ANKFN1: variants seen among roughly 807,000 people sequenced by gnomAD.
ANKFN1 encodes ankyrin repeat and fibronectin type-III domain-containing protein 1.
A neutral mutation model predicts 108.7 loss-of-function variants in ANKFN1; 74 were observed. The ratio of observed to expected loss-of-function variants is 0.68; its 90% CI spans 0.56 to 0.83. The LOEUF (loss-of-function observed/expected upper bound fraction) is 0.83, where lower values mean the gene tolerates loss of function less well. Among genes scored for constraint, ANKFN1 ranks in the 40% least tolerant of loss-of-function variants. The probability of loss-of-function intolerance (pLI) is 0.00; values close to 1 mark genes in which losing one functional copy is unlikely to be tolerated. For missense variants in ANKFN1, 1,505 were observed against 1,382.3 expected (o/e 1.09, Z -1.41); for synonymous variants, 547 against 516.2 (o/e 1.06, Z -0.81).
intron 11 of ANKFN1, among the ~76,000 whole-genome samples, chr17:56,455,471 T>C (rs2049654536): frequency 6.6e-6 from 1 of 152,240 alleles, no homozygotes; most frequent in African/African-American, 2.4e-5. Context: ...GCTGTTCCTA[T>C]ATAATCATAG....
Position 56,487,138 on chromosome 17 carries a change from A to G in ANKFN1, c.2260+4614A>G, listed in dbSNP as rs1024913540. 3.3e-4 allele frequency among the ~76,000 whole-genome samples: 50 copies of G among 152,282 alleles called. 1 individual carries two copies. Among genetic ancestry groups the G allele is most frequent in the Admixed American group, 2.5e-3 (38 of 15,290 alleles). ...ATAAATTGTCCTATTGGAGGATGTT[A>G]TGAGATCAGGTTGAGGAAGACTGAG... On this transcript the variant is annotated intron_variant, in intron 18 of 20. Coordinates refer to ENST00000682825, the MANE Select transcript of ANKFN1 (RefSeq NM_001370326.1).
chr17:56,216,451 A>T (rs1211773155), intron 2 of ANKFN1, among the ~76,000 whole-genome samples: 2 of 152,216 alleles, frequency 1.3e-5, no homozygotes, highest in East Asian at 3.8e-4. Flanking sequence ...GATCATAATG[A>T]TGTCATGTAG....
At chr17:56,489,923 C>T (rs995138412) in intron 18 of ANKFN1, among the ~76,000 whole-genome samples, 1 of 151,978 alleles carries the variant, frequency 6.6e-6, no homozygotes, top group African/African-American at 2.4e-5. Context: ...GTGGAGCTGC[C>T]AGGAAATATT....
At position 56,081,622 on chromosome 17, in the gene ANKFN1, G is replaced by A. The variant is rs554639502; in HGVS notation, c.288+35297G>A. On this transcript the variant is annotated intron_variant, in intron 4 of 12. Transcript: ENST00000635860. ...CCTGCCTCAGCCTCCCAAAGTACTG[G>A]GATTACAGGCATAAGCCACTGCACC... 3.9e-5 allele frequency among the ~76,000 whole-genome samples: 6 copies of A among 152,232 alleles called. No homozygotes were observed. In the South Asian group the frequency reaches 8.3e-4, roughly 21 times the overall value.
intron 7 of ANKFN1, among the ~76,000 whole-genome samples, chr17:56,373,817 A>T (rs9907103): frequency 6.6e-6 from 1 of 152,110 alleles, no homozygotes; most frequent in African/African-American, 2.4e-5. Flanking sequence ...ATTTGCTATT[A>T]TGCCTCATTT....
intron 8 of ANKFN1, among the ~76,000 whole-genome samples, chr17:56,423,473 G>T (rs544786875): frequency 6.6e-6 from 1 of 152,288 alleles, no homozygotes; most frequent in Admixed American, 6.5e-5. Flanking sequence ...ACCAGGAACT[G>T]ATCACCTCAT....
At chr17:56,390,984 T>G (rs2047408759) in intron 8 of ANKFN1, among the ~76,000 whole-genome samples, 1 of 151,750 alleles carries the variant, frequency 6.6e-6, no homozygotes, top group Non-Finnish European at 1.5e-5. Context: ...TTTAAACAGA[T>G]TTCTTTATTA....
intron 4 of ANKFN1, among the ~76,000 whole-genome samples, chr17:56,072,118 T>C (rs1307910396): frequency 6.6e-6 from 1 of 152,252 alleles, no homozygotes; most frequent in African/African-American, 2.4e-5. Context: ...GGGATAAATC[T>C]GTATACAGTA....
intron 3 of ANKFN1, among the ~76,000 whole-genome samples, chr17:56,291,965 T>C (rs997965198): frequency 1.3e-5 from 2 of 152,160 alleles, no homozygotes; most frequent in Admixed American, 1.3e-4. Flanking sequence ...TTATGACAAA[T>C]TTTTATTATC....
intron 15 of ANKFN1, among the ~76,000 whole-genome samples, chr17:56,476,514 C>G (rs1474725657): frequency 6.6e-6 from 1 of 152,154 alleles, no homozygotes; most frequent in Non-Finnish European, 1.5e-5. Context: ...CAATATAATG[C>G]AAATTCAATG....
At chr17:56,155,039 C>T (rs529204068) in intron 1 of ANKFN1, among the ~76,000 whole-genome samples, 2 of 152,166 alleles carry the variant, frequency 1.3e-5, no homozygotes, top group Admixed American at 6.5e-5. Context: ...TTCATGCCCC[C>T]CTCAACCCTG....
intron 1 of ANKFN1, among the ~76,000 whole-genome samples, chr17:56,175,366 C>A (rs1911051709): frequency 1.3e-5 from 2 of 152,062 alleles, no homozygotes. Context: ...TAACAAAACA[C>A]CTAGATATAA....
intron 4 of ANKFN1, among the ~76,000 whole-genome samples, chr17:56,100,460 G>A (rs9303382): frequency 0.22 from 33,319 of 152,084 alleles, 4,918 homozygotes; most frequent in African/African-American, 0.42. Context: ...CATGAAAAAT[G>A]TAGCAGAGAT....
chr17:56,399,003 T>C (rs188398963), intron 8 of ANKFN1, among the ~76,000 whole-genome samples: 2 of 152,282 alleles, frequency 1.3e-5, no homozygotes, highest in East Asian at 3.9e-4. Flanking sequence ...GGAAAATTCA[T>C]AAGTAGCTCC....
At chr17:56,221,038 G>A (rs1424018650) in intron 2 of ANKFN1, among the ~76,000 whole-genome samples, 1 of 152,206 alleles carries the variant, frequency 6.6e-6, no homozygotes, top group Admixed American at 6.6e-5. Context: ...CATCTGCTCA[G>A]CTTCTGGAGA....
At chr17:56,049,394 AT>A (rs10626731) in intron 4 of ANKFN1, among the ~76,000 whole-genome samples, 15 of 151,376 alleles carry the variant, frequency 9.9e-5, no homozygotes, top group African/African-American at 2.7e-4. Flanking sequence ...TTGATAAATG[AT>A]TTTTTTTTAT....
chr17:56,462,937 A>G (rs1323155929), intron 14 of ANKFN1, among the ~76,000 whole-genome samples: 4 of 152,140 alleles, frequency 2.6e-5, no homozygotes, highest in African/African-American at 9.7e-5. Context: ...GGCCTCAATC[A>G]TGATCTTTCT....
rs112596144 is a variant in ANKFN1, at chr17:56,170,807, T to TACACACACACACAC, written c.-71+17291_-71+17304dup. On this transcript the variant is annotated intron_variant, in intron 1 of 20. Coordinates refer to ENST00000682825, the MANE Select transcript of ANKFN1 (RefSeq NM_001370326.1). Reference sequence around the variant, plus strand: ...ATATATATATATATATATATATATATACACACACACACACACACACACACA... The same window carrying TACACACACACACAC: ...ATATATATATATATATATATATATATACACACACACACACACACACACACACACACACACACACA... Among the ~76,000 whole-genome samples, 36 of 61,448 alleles carry TACACACACACACAC rather than the reference T, an allele frequency of 5.9e-4. 1 individual carries two copies. The highest frequency in any genetic ancestry group is 2.2e-3 in the African/African-American group (32 of 14,366). The allele number at this position is 61,448 out of a possible 152,430, so 40.3% of individuals were successfully genotyped here.
intron 13 of ANKFN1, 37 bp downstream of exon 13, chr17:56,457,426 T>C (rs767326125): frequency 6.5e-6 from 10 of 1,539,438 alleles, no homozygotes; most frequent in Non-Finnish European, 8.7e-6. Flanking sequence ...CCCTACTTTG[T>C]ACCAATGTTA....
Sources: allele counts gnomAD v4.1 joint callset (sites outside exome capture counted in the v4.1 genomes callset), GRCh38; gene constraint gnomAD v4.1.1; transcripts MANE v1.5; gene names NCBI Gene and HGNC (gene_info 2026-07-23, HGNC 2026-07-21).